The following LYRM4 variants were observed in gnomAD, a reference collection of about 807,000 sequenced individuals.
The protein encoded by LYRM4 is LYR motif containing 4, also known as LYR motif-containing protein 4.
In LYRM4, 9 loss-of-function variants were observed where a neutral mutation model predicts 11.7. The ratio of observed to expected loss-of-function variants is 0.77; its 90% CI spans 0.46 to 1.34. The LOEUF (loss-of-function observed/expected upper bound fraction) is 1.34, where lower values mean the gene tolerates loss of function less well. Ranked by LOEUF, LYRM4 falls within the 40% of genes most tolerant of loss-of-function variation. The pLI, the probability that LYRM4 is intolerant of heterozygous loss-of-function variation, is 0.00. For synonymous variants in LYRM4, 42 were observed against 40.4 expected (o/e 1.04, Z -0.15); for missense variants, 133 against 112.5 (o/e 1.18, Z -0.82).
At chr6:5,206,703 GGAGAA>G (rs1761718411) in intron 2 of LYRM4, among the ~76,000 whole-genome samples, 1 of 152,146 alleles carries the variant, frequency 6.6e-6, no homozygotes. Flanking sequence ...GGAGGAGTGG[GGAGAA>G]GAGAAGTGCT....
intron 2 of LYRM4, among the ~76,000 whole-genome samples, chr6:5,180,368 C>T (rs1561852558): frequency 6.6e-6 from 1 of 152,162 alleles, no homozygotes; most frequent in Non-Finnish European, 1.5e-5. Flanking sequence ...CTCAGTTTTC[C>T]TGTCAATATT....
chr6:5,049,185 C>T, the LYRM4 span, among the ~76,000 whole-genome samples: 21 of 152,274 alleles, frequency 1.4e-4, no homozygotes, highest in Non-Finnish European at 1.5e-5. Flanking sequence ...ACTTCCATCC[C>T]TGGTCCCAAG....
Position 5,115,357 on chromosome 6 carries a change from T to C in LYRM4, c.208-5866A>G, listed in dbSNP as rs1406023554. Among the ~76,000 whole-genome samples the C allele has an allele frequency of 3.3e-5, 5 of 152,336 alleles. No individual in the cohort carries two copies. In the South Asian group the frequency reaches 6.2e-4, roughly 19 times the overall value. Reference sequence around the variant, plus strand: ...TTTGAAGGCTTTGGCGGCACACTTATCATGCCGCAGAACAAACACGCTTCT... The same window carrying C: ...TTTGAAGGCTTTGGCGGCACACTTACCATGCCGCAGAACAAACACGCTTCT... On this transcript the variant is annotated intron_variant, in intron 2 of 2. Transcript: ENST00000330636.
intron 2 of LYRM4, chr6:5,133,006 A>T (rs457846): frequency 0.59 from 89,739 of 152,048 alleles, 27,240 homozygotes; most frequent in East Asian, 0.81. Flanking sequence ...CTGCAGGACA[A>T]AGATGACTAG....
chr6:5,244,846 T>C (rs1764068338), intron 1 of LYRM4, among the ~76,000 whole-genome samples: 2 of 151,550 alleles, frequency 1.3e-5, no homozygotes, highest in African/African-American at 4.9e-5. Flanking sequence ...GTGTGGAGCT[T>C]TCATGGCACT....
At chr6:5,051,079 A>G in the LYRM4 span, among the ~76,000 whole-genome samples, 1 of 152,218 alleles carries the variant, frequency 6.6e-6, no homozygotes, top group Non-Finnish European at 1.5e-5. Context: ...GGCAAAAGAA[A>G]GAATAAGTGA....
intron 2 of LYRM4, 43 bp from the exon 3 acceptor site, chr6:5,109,534 T>C (rs756900939): frequency 5.1e-6 from 8 of 1,579,212 alleles, no homozygotes; most frequent in Non-Finnish European, 8.7e-7. Flanking sequence ...CGTGGCCCTC[T>C]AGCCCCTGGG....
In LYRM4 at chr6:5,242,875, G is replaced by A. The variant is rs535309526; in HGVS notation, c.86+17773C>T. Among the ~76,000 whole-genome samples, 1,241 of 148,090 alleles carry A rather than the reference G, an allele frequency of 8.4e-3. 5 individuals carry two copies. Among genetic ancestry groups the A allele is most frequent in the Middle Eastern group, 0.041 (12 of 290 alleles). ...TGCAAGCTCCGCTTCCCAGGTTCAC[G>A]CCATTCTCCTGCCTCAGCCTCCCCA... On this transcript the variant is annotated intron_variant, in intron 1 of 2. Transcript: ENST00000330636.
chr6:5,131,093 C>T (rs1445758531), intron 2 of LYRM4, among the ~76,000 whole-genome samples: 1 of 151,970 alleles, frequency 6.6e-6, no homozygotes, highest in Non-Finnish European at 1.5e-5. Flanking sequence ...TAAGATATAC[C>T]GGGTATATAT....
chr6:5,136,973 A>C, intron 2 of LYRM4: 1 of 376,706 alleles, frequency 2.7e-6, no homozygotes, highest in South Asian at 1.1e-4. Context: ...AGGAAACACT[A>C]CTCATTAGTC....
chr6:5,178,804 C>CAAAAAAA lies in LYRM4; in HGVS notation c.207+37807_207+37813dup, dbSNP rs56880549. 2.0e-4 allele frequency among the ~76,000 whole-genome samples: 6 copies of CAAAAAAA among 30,024 alleles called. 2 individuals carry two copies. The highest frequency in any genetic ancestry group is 3.2e-4 in the Non-Finnish European group (5 of 15,684). 19.7% of individuals were successfully genotyped at this position (30,024 alleles called of 152,430 possible). ...TGGGCGACAGAGTGAGACTCTGTCT[C>CAAAAAAA]AAAAAAAAAAAAAAAAAAAAAAAAA... On this transcript the variant is annotated intron_variant, in intron 2 of 2. Coordinates refer to ENST00000330636, the MANE Select transcript of LYRM4 (RefSeq NM_020408.6).
intron 1 of LYRM4, among the ~76,000 whole-genome samples, chr6:5,239,531 C>T (rs1241749987): frequency 2.0e-5 from 3 of 151,900 alleles, no homozygotes; most frequent in Admixed American, 2.0e-4. Context: ...TGCAAGGGGC[C>T]TCCAATGTCA....
chr6:5,194,909 C>T (rs2127696588), intron 2 of LYRM4, among the ~76,000 whole-genome samples: 1 of 152,276 alleles, frequency 6.6e-6, no homozygotes, highest in East Asian at 1.9e-4. Flanking sequence ...CATTTCATTA[C>T]TATAATAGCT....
In LYRM4 at chr6:5,245,089, TAA is replaced by T. The variant is rs71540855; in HGVS notation, c.86+15557_86+15558del. Reference sequence around the variant, plus strand: ...GCTGACTTTATTTGCAGGAAGACCTTAAAAAAAAAAAAAAAAAAAAAAAAATA... The same window carrying T: ...GCTGACTTTATTTGCAGGAAGACCTTAAAAAAAAAAAAAAAAAAAAAAATA... On this transcript the variant is annotated intron_variant, in intron 1 of 2. Transcript: ENST00000330636. Among the ~76,000 whole-genome samples the T allele has an allele frequency of 5.8e-3, 89 of 15,462 alleles. 8 individuals carry two copies. Among genetic ancestry groups the T allele is most frequent in the East Asian group, 0.023 (9 of 392 alleles). The allele number at this position is 15,462 out of a possible 152,430, so 10.1% of individuals were successfully genotyped here.
At chr6:5,203,075 C>G (rs887059046) in intron 2 of LYRM4, among the ~76,000 whole-genome samples, 1 of 152,136 alleles carries the variant, frequency 6.6e-6, no homozygotes, top group Non-Finnish European at 1.5e-5. Context: ...AACATGCACA[C>G]GTGAAATCTG....
chr6:5,060,197 G>GGT, the LYRM4 span, among the ~76,000 whole-genome samples: 1 of 152,162 alleles, frequency 6.6e-6, no homozygotes, highest in East Asian at 1.9e-4. Flanking sequence ...AGAGTTCTTA[G>GGT]GTCAAAACTA....
intron 2 of LYRM4, among the ~76,000 whole-genome samples, chr6:5,191,885 T>C (rs913218923): frequency 6.6e-6 from 1 of 152,160 alleles, no homozygotes; most frequent in Non-Finnish European, 1.5e-5. Context: ...AAGAATGCCA[T>C]ATTACTTACG....
chr6:5,143,934 C>G (rs138253566), intron 2 of LYRM4, among the ~76,000 whole-genome samples: 3 of 152,358 alleles, frequency 2.0e-5, no homozygotes, highest in African/African-American at 7.2e-5. Flanking sequence ...ATATGCATTA[C>G]TGAATAAAAC....
At chr6:5,068,546 T>C in the LYRM4 span, among the ~76,000 whole-genome samples, 1 of 152,180 alleles carries the variant, frequency 6.6e-6, no homozygotes, top group African/African-American at 2.4e-5. This position sits in a 1 kb window ranked among gnomAD's most constrained non-coding sequence, Gnocchi z 4.0. Context: ...AAATGTCCCA[T>C]GATCTTGAGG....
Sources: gnomAD v4.1 joint callset for allele counts (sites outside exome capture counted in the v4.1 genomes callset) on GRCh38, gnomAD v4.1.1 for gene constraint, Gnocchi (gnomAD v3.1) non-coding constraint, MANE v1.5 for transcripts, NCBI Gene and HGNC (gene_info 2026-07-23, HGNC 2026-07-21) for gene names.